The following SCHIP1 variants were observed in gnomAD, a reference collection of about 807,000 sequenced individuals.
SCHIP1 encodes the protein schwannomin-interacting protein 1.
Under a neutral mutation model 29.7 loss-of-function variants are expected in SCHIP1, and 8 were observed. The observed-to-expected ratio is 0.27, with a 90% CI of 0.16 to 0.49. SCHIP1 has a LOEUF of 0.49. Among genes scored for constraint, SCHIP1 ranks in the 20% least tolerant of loss-of-function variants. The pLI, the probability that SCHIP1 is intolerant of heterozygous loss-of-function variation, is 0.99. For missense variants in SCHIP1, 193 were observed against 294.6 expected (o/e 0.66, Z 2.52); for synonymous variants, 76 against 94.9 (o/e 0.80, Z 1.16).
At chr3:159,642,368 C>G in the SCHIP1 span, among the ~76,000 whole-genome samples, 1 of 152,056 alleles carries the variant, frequency 6.6e-6, no homozygotes, top group African/African-American at 2.4e-5. Flanking sequence ...CTCCAGGAAA[C>G]TCCTTTCTGC....
the SCHIP1 span, among the ~76,000 whole-genome samples, chr3:159,701,821 C>T: frequency 9.9e-5 from 15 of 151,880 alleles, no homozygotes; most frequent in Admixed American, 2.6e-4. Flanking sequence ...GAAAAAGGCA[C>T]CATGAGGGAA....
At chr3:159,540,927 G>GA in the SCHIP1 span, among the ~76,000 whole-genome samples, 35 of 151,650 alleles carry the variant, frequency 2.3e-4, no homozygotes, top group African/African-American at 8.0e-4. Context: ...TCAAGGGAAA[G>GA]AAAAAAAATG....
chr3:159,327,269 C>T, the SCHIP1 span, among the ~76,000 whole-genome samples: 2 of 152,118 alleles, frequency 1.3e-5, no homozygotes, highest in African/African-American at 4.8e-5. Flanking sequence ...TCCTCTTCCT[C>T]GTTGGTCAAA....
chr3:159,421,905 T>C, the SCHIP1 span, among the ~76,000 whole-genome samples: 2 of 152,154 alleles, frequency 1.3e-5, no homozygotes, highest in African/African-American at 2.4e-5. Flanking sequence ...TAAGTCATGT[T>C]GCAATTTTTT....
At chr3:159,591,564 T>C in the SCHIP1 span, among the ~76,000 whole-genome samples, 2 of 152,174 alleles carry the variant, frequency 1.3e-5, no homozygotes, top group Non-Finnish European at 2.9e-5. Context: ...GTGGCACATA[T>C]ATGCCATGGA....
the SCHIP1 span, among the ~76,000 whole-genome samples, chr3:159,588,459 CTTTAG>C: frequency 1.3e-5 from 2 of 152,156 alleles, no homozygotes; most frequent in African/African-American, 4.8e-5. Context: ...TGCAGAAGCT[CTTTAG>C]TTTAATTAGA....
At chr3:159,793,179 C>T in the SCHIP1 span, among the ~76,000 whole-genome samples, 1 of 152,122 alleles carries the variant, frequency 6.6e-6, no homozygotes, top group Non-Finnish European at 1.5e-5. Flanking sequence ...TCGCATCCCC[C>T]ACCATAAGAT....
chr3:159,626,812 A>G, the SCHIP1 span, among the ~76,000 whole-genome samples: 1 of 152,150 alleles, frequency 6.6e-6, no homozygotes, highest in East Asian at 1.9e-4. Flanking sequence ...CCTTTTGTAC[A>G]TGCATTGGGA....
the SCHIP1 span, among the ~76,000 whole-genome samples, chr3:159,407,923 A>G: frequency 6.6e-6 from 1 of 152,192 alleles, no homozygotes; most frequent in South Asian, 2.1e-4. Context: ...GCCTACATCA[A>G]AGAAGAAGAA....
chr3:159,450,009 C>A, the SCHIP1 span, among the ~76,000 whole-genome samples: 1 of 152,118 alleles, frequency 6.6e-6, no homozygotes, highest in Admixed American at 6.6e-5. Context: ...GGGGAGAAAT[C>A]ACTTCCAGTG....
At chr3:159,471,225 T>G in the SCHIP1 span, among the ~76,000 whole-genome samples, 1 of 152,072 alleles carries the variant, frequency 6.6e-6, no homozygotes, top group East Asian at 1.9e-4. Flanking sequence ...TAAATGTATT[T>G]CAAAGCAAAA....
chr3:159,485,691 C>G, the SCHIP1 span, among the ~76,000 whole-genome samples: 2 of 152,106 alleles, frequency 1.3e-5, no homozygotes, highest in African/African-American at 4.8e-5. Flanking sequence ...GCAAGTTGTC[C>G]GTTTCCTTAT....
chr3:159,311,006 A>G, the SCHIP1 span, among the ~76,000 whole-genome samples: 7 of 152,126 alleles, frequency 4.6e-5, no homozygotes, highest in Admixed American at 1.3e-4. Flanking sequence ...AGTCCTTCCC[A>G]TATCATATGA....
the SCHIP1 span, among the ~76,000 whole-genome samples, chr3:159,688,141 G>A: frequency 6.6e-6 from 1 of 152,286 alleles, no homozygotes; most frequent in Admixed American, 6.5e-5. Context: ...GGGTCAAATG[G>A]TATTTCTAGT....
the SCHIP1 span, among the ~76,000 whole-genome samples, chr3:159,828,371 A>T: frequency 9.3e-6 from 1 of 107,396 alleles, no homozygotes; most frequent in Non-Finnish European, 2.0e-5. Context: ...TTATATATAT[A>T]TATACATATA....
the SCHIP1 span, among the ~76,000 whole-genome samples, chr3:159,601,481 C>CG: frequency 1.3e-5 from 2 of 152,304 alleles, no homozygotes; most frequent in East Asian, 3.9e-4. Flanking sequence ...GGTAGCCCTC[C>CG]GGCCCACCCA....
At chr3:159,433,886 G>A in the SCHIP1 span, among the ~76,000 whole-genome samples, 1 of 152,122 alleles carries the variant, frequency 6.6e-6, no homozygotes, top group South Asian at 2.1e-4. Flanking sequence ...TGAGCACTAA[G>A]ACTGATAAAC....
the SCHIP1 span, among the ~76,000 whole-genome samples, chr3:159,740,420 G>T: frequency 6.6e-6 from 1 of 152,118 alleles, no homozygotes; most frequent in Non-Finnish European, 1.5e-5. Flanking sequence ...TGGATGCTGG[G>T]CAGGTGGAAC....
the SCHIP1 span, among the ~76,000 whole-genome samples, chr3:159,500,631 G>T: frequency 1.3e-5 from 2 of 151,568 alleles, no homozygotes; most frequent in Admixed American, 6.6e-5. Context: ...GGAGAATGGC[G>T]TGAACCTGGG....
Sources: allele counts gnomAD v4.1 joint callset (sites outside exome capture counted in the v4.1 genomes callset), GRCh38; gene constraint gnomAD v4.1.1; transcripts MANE v1.5; gene names NCBI Gene and HGNC (gene_info 2026-07-23, HGNC 2026-07-21).